Variants in RBM6 observed in about 807,000 individuals in gnomAD.
The protein encoded by RBM6 is RNA-binding protein 6.
Under a neutral mutation model 140.4 loss-of-function variants are expected in RBM6, and 23 were observed. That is an observed-to-expected ratio of 0.16 (90% confidence interval 0.12 to 0.23). The LOEUF (loss-of-function observed/expected upper bound fraction) is 0.23, where lower values mean the gene tolerates loss of function less well. Among genes scored for constraint, RBM6 ranks in the 10% least tolerant of loss-of-function variants. RBM6 has a pLI of 1.00. For synonymous variants in RBM6, 439 were observed against 475.6 expected (o/e 0.92, Z 1.00); for missense variants, 1,139 against 1,386.7 (o/e 0.82, Z 2.84).
rs527973441 is a variant in RBM6 at position 50,013,354 on chromosome 3, G to A, written c.1557+13841G>A. On this transcript the variant is annotated intron_variant, in intron 6 of 20. Coordinates refer to ENST00000266022, the MANE Select transcript of RBM6 (RefSeq NM_005777.3). ...AAGCTTCTACTCCTGGGCACTGTGA[G>A]GTTTTTATAGGTCTTTTAAAAAAAA... Among the ~76,000 whole-genome samples, 4 of 152,048 alleles carry A rather than the reference G, an allele frequency of 2.6e-5. No individual in the cohort carries two copies. The South Asian group carries it at 6.2e-4, about 24-fold the overall frequency.
Position 49,967,577 on chromosome 3 carries a change from A to G in RBM6, c.152A>G (p.Asp51Gly), listed in dbSNP as rs2084563374. ...CACTCTGGCAACTTTCCTGGCAGAGATTCACTTCCCTTTGATTTCCAGGGG... is the reference window on the plus strand; with the variant it reads ...CACTCTGGCAACTTTCCTGGCAGAGGTTCACTTCCCTTTGATTTCCAGGGG... ...ERHSGNFPGR[D>G]SLPFDFQGHS... The change falls in exon 3 of 21, where the codon GAT becomes GGT. Residue 51 changes from aspartate to glycine, a missense_variant. By Grantham distance (94) the Asp-to-Gly change is moderately conservative. Transcript: ENST00000266022. The surrounding 1 kb of genome is among the most constrained non-coding windows in gnomAD (Gnocchi z 4.0). 1 of 1,613,954 alleles carries G rather than the reference A, an allele frequency of 6.2e-7. No homozygotes were observed. The highest frequency in any genetic ancestry group is 1.3e-5 in the African/African-American group (1 of 74,886).
At chr3:49,948,717 GAA>G (rs1298504771) in intron 1 of RBM6, among the ~76,000 whole-genome samples, 26 of 108,346 alleles carry the variant, frequency 2.4e-4, no homozygotes, top group African/African-American at 7.0e-4. Context: ...TCTCAAAAAA[GAA>G]AAAAAAAAAA....
chr3:50,037,621 A>G (rs999183183), intron 6 of RBM6, among the ~76,000 whole-genome samples: 3 of 152,158 alleles, frequency 2.0e-5, no homozygotes, highest in African/African-American at 4.8e-5. Flanking sequence ...ATAAAGGGTC[A>G]GTAGAAATAA....
chr3:50,077,049 A>T lies in RBM6; in HGVS notation c.3288A>T (p.Gly1096=). 1 of 1,613,178 alleles carries T rather than the reference A, an allele frequency of 6.2e-7. No individual in the cohort carries two copies. The highest frequency in any genetic ancestry group is 8.5e-7 in the Non-Finnish European group (1 of 1,179,898). Reference sequence around the variant, plus strand: ...GGGGCCCCAGTGTTGGAGCCTCAGGAAGAACCAGCAAAAGACAGTCCAACG... The same window carrying T: ...GGGGCCCCAGTGTTGGAGCCTCAGGTAGAACCAGCAAAAGACAGTCCAACG... The part of the protein sequence containing the change: ...RMRGPSVGAS[G]RTSKRQSNET... The change falls in exon 21 of 21, where the codon GGA becomes GGT. Residue 1096 remains glycine, a synonymous_variant. Coordinates refer to ENST00000266022, the MANE Select transcript of RBM6 (RefSeq NM_005777.3).
intron 6 of RBM6, among the ~76,000 whole-genome samples, chr3:50,019,314 C>T (rs2087357464): frequency 6.6e-6 from 1 of 152,150 alleles, no homozygotes; most frequent in South Asian, 2.1e-4. Flanking sequence ...GCATGAGCCA[C>T]CATGCCTGGC....
intron 6 of RBM6, among the ~76,000 whole-genome samples, chr3:50,002,643 C>T (rs1559572025): frequency 6.6e-6 from 1 of 152,038 alleles, no homozygotes; most frequent in Non-Finnish European, 1.5e-5. Context: ...GTGATCTGCC[C>T]ACCTTGGCCT....
intron 1 of RBM6, among the ~76,000 whole-genome samples, chr3:49,958,880 C>T (rs2084142100): frequency 6.6e-6 from 1 of 150,524 alleles, no homozygotes; most frequent in African/African-American, 2.4e-5. Flanking sequence ...TGCAACCAAC[C>T]CCCACTCCAA....
At chr3:50,047,985 A>G (rs2089297058) in intron 6 of RBM6, among the ~76,000 whole-genome samples, 1 of 152,172 alleles carries the variant, frequency 6.6e-6, no homozygotes, top group South Asian at 2.1e-4. Flanking sequence ...TAGCCTGCCC[A>G]AGGACAGCAC....
intron 6 of RBM6, among the ~76,000 whole-genome samples, chr3:50,034,052 A>G (rs1460904937): frequency 2.0e-5 from 3 of 151,466 alleles, no homozygotes; most frequent in African/African-American, 4.8e-5. Context: ...GCCCATCTTA[A>G]TAAGACTATG....
intron 3 of RBM6, among the ~76,000 whole-genome samples, chr3:49,969,652 C>T (rs574028958): frequency 4.0e-5 from 6 of 151,730 alleles, no homozygotes; most frequent in African/African-American, 1.2e-4. Flanking sequence ...GGCTGAAGTG[C>T]GGTGGTGTAA....
At chr3:49,987,473 G>A (rs936290074) in intron 5 of RBM6, among the ~76,000 whole-genome samples, 11 of 151,580 alleles carry the variant, frequency 7.3e-5, no homozygotes, top group African/African-American at 1.9e-4. Flanking sequence ...CCGCCACTAC[G>A]CCCAGCTAAA....
chr3:50,044,245 G>A (rs2089103193), intron 6 of RBM6, among the ~76,000 whole-genome samples: 1 of 152,118 alleles, frequency 6.6e-6, no homozygotes, highest in Admixed American at 6.6e-5. Context: ...TCCTTTGCTT[G>A]AGTAGCTTAA....
At chr3:49,976,021 A>G (rs2085047944) in intron 5 of RBM6, among the ~76,000 whole-genome samples, 1 of 152,198 alleles carries the variant, frequency 6.6e-6, no homozygotes, top group South Asian at 2.1e-4. Context: ...AAAAGTAGGC[A>G]AAGGTGAAAT....
At chr3:50,008,166 G>A (rs1479534898) in intron 6 of RBM6, among the ~76,000 whole-genome samples, 1 of 152,166 alleles carries the variant, frequency 6.6e-6, no homozygotes, top group Non-Finnish European at 1.5e-5. Context: ...TTAATTATGA[G>A]AGGTGCTCTA....
chr3:50,075,380 T>G (rs1462563598), intron 20 of RBM6, 50 bp downstream of exon 20: 1 of 1,594,504 alleles, frequency 6.3e-7, no homozygotes, highest in Non-Finnish European at 8.6e-7. Context: ...GGAATGTAAT[T>G]AACTTTCACT....
chr3:50,072,386 G>A (rs1025783854), intron 19 of RBM6, among the ~76,000 whole-genome samples: 6 of 151,194 alleles, frequency 4.0e-5, no homozygotes. Context: ...CTCTAGCCTG[G>A]GTAATAGAGC....
At chr3:50,056,555 A>G (rs756069202) in intron 8 of RBM6, among the ~76,000 whole-genome samples, 4 of 152,136 alleles carry the variant, frequency 2.6e-5, no homozygotes, top group Non-Finnish European at 5.9e-5. Flanking sequence ...CAGTCTCCCA[A>G]TGTGCTGGGA....
intron 6 of RBM6, among the ~76,000 whole-genome samples, chr3:50,002,798 G>A (rs2086401911): frequency 6.6e-6 from 1 of 152,176 alleles, no homozygotes. Context: ...TTATGACATA[G>A]TAAACAATCT....
intron 6 of RBM6, among the ~76,000 whole-genome samples, chr3:50,037,288 C>G (rs1314562384): frequency 6.6e-6 from 1 of 152,010 alleles, no homozygotes; most frequent in Non-Finnish European, 1.5e-5. Context: ...ATTGTCCCAG[C>G]TTGTCAGGAA....
Sources: gnomAD v4.1 joint callset for allele counts (sites outside exome capture counted in the v4.1 genomes callset) on GRCh38, gnomAD v4.1.1 for gene constraint, Gnocchi (gnomAD v3.1) non-coding constraint, MANE v1.5 for transcripts, NCBI Gene and HGNC (gene_info 2026-07-23, HGNC 2026-07-21) for gene names.